Variants in KCNMB3 observed in about 807,000 individuals in gnomAD.
KCNMB3 encodes calcium-activated potassium channel subunit beta-3.
A neutral mutation model predicts 11.9 loss-of-function variants in KCNMB3; 18 were observed. The ratio of observed to expected loss-of-function variants is 1.51; its 90% CI spans 1.04 to 2.23. The LOEUF (loss-of-function observed/expected upper bound fraction) is 2.23, where lower values mean the gene tolerates loss of function less well. Among genes scored for constraint, KCNMB3 ranks in the 30% most tolerant of loss-of-function variants. The pLI, the probability that KCNMB3 is intolerant of heterozygous loss-of-function variation, is 0.00. For missense variants in KCNMB3, 247 were observed against 329.4 expected (o/e 0.75, Z 1.94); for synonymous variants, 78 against 119.2 (o/e 0.65, Z 2.25).
chr3:179,250,362 C>T (rs1725792760), intron 1 of KCNMB3, among the ~76,000 whole-genome samples: 1 of 152,154 alleles, frequency 6.6e-6, no homozygotes, highest in African/African-American at 2.4e-5. Flanking sequence ...CACTGTCAAA[C>T]TCAAAAAATT....
chr3:179,254,637 C>T (rs567882772), upstream of KCNMB3, among the ~76,000 whole-genome samples: 21 of 151,982 alleles, frequency 1.4e-4, no homozygotes, highest in South Asian at 8.3e-4. Flanking sequence ...GGTGAGAAAC[C>T]CTATCTCTAC....
chr3:179,256,548 T>C (rs1003098254), upstream of KCNMB3, among the ~76,000 whole-genome samples: 2 of 152,046 alleles, frequency 1.3e-5, no homozygotes, highest in African/African-American at 4.8e-5. Context: ...GAGAATATAA[T>C]TTAGAGGGAG....
intron 1 of KCNMB3, among the ~76,000 whole-genome samples, chr3:179,248,748 T>G (rs1299079745): frequency 6.6e-6 from 1 of 151,304 alleles, no homozygotes; most frequent in African/African-American, 2.4e-5. Flanking sequence ...AAAAAAAACT[T>G]AACTACTAAT....
chr3:179,256,743 G>C (rs1484511273), intron 1 of KCNMB3, among the ~76,000 whole-genome samples: 1 of 152,014 alleles, frequency 6.6e-6, no homozygotes, highest in Non-Finnish European at 1.5e-5. Context: ...AGGCAATAAA[G>C]AAGAGGGAAA....
chr3:179,251,571 T>G (rs925314222), upstream of KCNMB3: 76 of 1,298,154 alleles, frequency 5.9e-5, no homozygotes, highest in Admixed American at 5.4e-4. Flanking sequence ...CCACTGTGCC[T>G]GCAAACCTGC....
At chr3:179,250,457 C>A (rs933392193) in intron 1 of KCNMB3, among the ~76,000 whole-genome samples, 1 of 152,090 alleles carries the variant, frequency 6.6e-6, no homozygotes, top group African/African-American at 2.4e-5. Context: ...GGATTTATGA[C>A]CTAAATGAAG....
At chr3:179,252,490 C>A (rs1258569938), upstream of KCNMB3, among the ~76,000 whole-genome samples, 1 of 152,126 alleles carries the variant, frequency 6.6e-6, no homozygotes, top group African/African-American at 2.4e-5. Flanking sequence ...CCTTTTCCCC[C>A]AGCAACATCT....
At chr3:179,260,371 A>G in intron 1 of KCNMB3, 11 of 1,614,020 alleles carry the variant, frequency 6.8e-6, no homozygotes, top group African/African-American at 1.3e-5. Context: ...GTTCCTAGGA[A>G]TGGGGCAGTG....
In KCNMB3 at chr3:179,251,052, G is replaced by A; in HGVS notation, c.-62C>T. On this transcript the variant is annotated 5_prime_UTR_variant, in exon 1 of 3. Coordinates refer to ENST00000392685, the MANE Select transcript of KCNMB3 (RefSeq NM_171830.2). ...GCTGCCTACCTGTGTCTCGTGAGCA[G>A]GATGAATGCAACAAAATGAAATCCC... 6.2e-7 allele frequency: 1 copy of A among 1,614,178 alleles called. No homozygotes were observed. The highest frequency in any genetic ancestry group is 8.5e-7 in the Non-Finnish European group (1 of 1,180,020).
intron 1 of KCNMB3, among the ~76,000 whole-genome samples, chr3:179,261,544 CG>C (rs889973813): frequency 1.3e-4 from 20 of 152,076 alleles, no homozygotes; most frequent in African/African-American, 4.8e-4. Flanking sequence ...AAGCGGGGCT[CG>C]GGCGCCTCCG....
chr3:179,260,286 G>A, intron 1 of KCNMB3: 1 of 1,613,990 alleles, frequency 6.2e-7, no homozygotes, highest in South Asian at 1.1e-5. Context: ...CTCAACCTGT[G>A]CTGTGTTTTC....
intron 1 of KCNMB3, among the ~76,000 whole-genome samples, chr3:179,248,805 C>A (rs992730787): frequency 1.3e-5 from 2 of 150,928 alleles, no homozygotes; most frequent in Admixed American, 6.6e-5. Context: ...TTGATTAAGA[C>A]ATATTTTGTA....
At chr3:179,261,013 G>T in intron 1 of KCNMB3, 1 of 973,940 alleles carries the variant, frequency 1.0e-6, no homozygotes. Flanking sequence ...TGTCTCCGCT[G>T]CCTCTCTGAG....
At chr3:179,261,026 G>A in intron 1 of KCNMB3, 3 of 983,360 alleles carry the variant, frequency 3.1e-6, no homozygotes, top group South Asian at 2.5e-5. Flanking sequence ...TCTCTGAGAG[G>A]AAGTCCCACC....
rs1560153693 is a variant in KCNMB3, at chr3:179,243,005, C to A, written c.727G>T (p.Val243Leu). The change falls in exon 3 of 3, where the codon GTA becomes TTA. Residue 243 changes from valine (V) to leucine (L), a missense_variant. Val to Leu is a conservative substitution (Grantham distance 32, BLOSUM62 1). Transcript: ENST00000392685. ...LSLLCEKYSTVVRDEVGGKVP... is the reference protein window; with the variant it reads ...LSLLCEKYSTLVRDEVGGKVP... ...TTTCCACCTACCTCATCTCTGACTA[C>A]AGTGCTATATTTTTCACACAGTAAG... 1 of 1,594,870 alleles carries A rather than the reference C, an allele frequency of 6.3e-7. No individual in the cohort carries two copies. Among genetic ancestry groups the A allele is most frequent in the East Asian group, 2.2e-5 (1 of 44,836 alleles).
rs1282800069 is a variant in KCNMB3 at position 179,261,223 on chromosome 3, C to A, written c.62+5426G>T. 5.2e-6 allele frequency: 7 copies of A among 1,357,722 alleles called. No homozygotes were observed. The East Asian group carries it at 1.9e-4, about 36-fold the overall frequency. 84.1% of individuals were successfully genotyped at this position (1,357,722 alleles called of 1,614,324 possible). A position where few individuals can be genotyped will look rare whatever the true frequency, so the allele number is the denominator to read the frequency against. On this transcript the variant is annotated intron_variant, in intron 1 of 3. Transcript: ENST00000349697. Reference sequence around the variant, plus strand: ...GGGCCTCCGCCAGCCTCTGCGCTTCCGCGCTCAAACAGTAGATCTCCCGGC... The same window carrying A: ...GGGCCTCCGCCAGCCTCTGCGCTTCAGCGCTCAAACAGTAGATCTCCCGGC...
At position 179,251,028 on chromosome 3, in the gene KCNMB3, C is replaced by T; in HGVS notation, c.-38G>A. On this transcript the variant is annotated 5_prime_UTR_variant, in exon 1 of 3. Coordinates refer to ENST00000392685, the MANE Select transcript of KCNMB3 (RefSeq NM_171830.2). ...GGGACTGGAGGGATAATCTCATTTG[C>T]TGCCTACCTGTGTCTCGTGAGCAGG... The T allele has an allele frequency of 6.2e-7, 1 of 1,614,186 alleles. No individual in the cohort carries two copies. Among genetic ancestry groups the T allele is most frequent in the Non-Finnish European group, 8.5e-7 (1 of 1,180,036 alleles).
chr3:179,251,415 T>A, upstream of KCNMB3: 4 of 1,426,510 alleles, frequency 2.8e-6, no homozygotes, highest in Non-Finnish European at 3.6e-6. Context: ...AGGCAGCATA[T>A]CCACCACCAG....
downstream of KCNMB3, chr3:179,240,377 A>AAATATATGTATATACATATATGTATG (rs1248353023): frequency 1.6e-5 from 4 of 243,814 alleles, no homozygotes; most frequent in East Asian, 9.4e-5. Context: ...GTATTTTAAG[A>AAATATATGTATATACATATATGTATG]AATATATGTA....
Sources: gnomAD v4.1 joint callset for allele counts (sites outside exome capture counted in the v4.1 genomes callset) on GRCh38, gnomAD v4.1.1 for gene constraint, MANE v1.5 for transcripts, NCBI Gene and HGNC (gene_info 2026-07-23, HGNC 2026-07-21) for gene names.